RGS7: variants seen among roughly 807,000 people sequenced by gnomAD.
The protein encoded by RGS7 is regulator of G-protein signaling 7.
In RGS7, 27 loss-of-function variants were observed where a neutral mutation model predicts 81.1. The observed-to-expected ratio is 0.33, with a 90% CI of 0.25 to 0.46. The LOEUF is 0.46. Ranked by LOEUF, RGS7 falls within the 20% of genes least tolerant of loss-of-function variation. The probability of loss-of-function intolerance (pLI) is 1.00; values close to 1 mark genes in which losing one functional copy is unlikely to be tolerated. For missense variants in RGS7, 396 were observed against 607.4 expected (o/e 0.65, Z 3.66); for synonymous variants, 208 against 207.7 (o/e 1.00, Z -0.01).
intron 3 of RGS7, among the ~76,000 whole-genome samples, chr1:241,024,311 C>G (rs1010777426): frequency 6.6e-6 from 1 of 152,180 alleles, no homozygotes; most frequent in Non-Finnish European, 1.5e-5. Context: ...ACAAGCAGAT[C>G]TATTTTGGAT....
chr1:241,164,041 C>T lies in RGS7; in HGVS notation c.79-65279G>A, dbSNP rs1224069644. Among the ~76,000 whole-genome samples the T allele has an allele frequency of 1.3e-5, 2 of 152,138 alleles. No individual in the cohort carries two copies. The highest frequency in any genetic ancestry group is 2.9e-5 in the Non-Finnish European group (2 of 68,030). ...CAGACCAGCTGGAAATTAGAGATCC[C>T]ATGATCCCCTGCTTGAGTTCAATTA... On this transcript the variant is annotated intron_variant, in intron 2 of 18. Transcript: ENST00000440928. This position sits in a 1 kb window ranked among gnomAD's most constrained non-coding sequence, Gnocchi z 4.1.
rs917308711 is a variant in RGS7, at chr1:241,076,953, C to G, written c.175+21713G>C. On this transcript the variant is annotated intron_variant, in intron 3 of 18. Coordinates refer to ENST00000440928, the MANE Select transcript of RGS7 (RefSeq NM_001364886.1). The stretch of plus-strand genomic sequence containing the variant: ...TCTTCAGTTGAGGAAAGAGGTCATG[C>G]TCTACATTAATTACAGATGACAAGC... 7.2e-5 allele frequency among the ~76,000 whole-genome samples: 11 copies of G among 152,158 alleles called. No individual in the cohort carries two copies. In the East Asian group the frequency reaches 2.1e-3, roughly 29 times the overall value.
chr1:241,203,538 G>C (rs1573111140), intron 2 of RGS7, among the ~76,000 whole-genome samples: 1 of 152,124 alleles, frequency 6.6e-6, no homozygotes, highest in East Asian at 1.9e-4. Context: ...CCTGAGTTCT[G>C]CTTCTTTCCA....
chr1:241,240,346 CGACTCAGTTA>C (rs2076203879), intron 2 of RGS7, among the ~76,000 whole-genome samples: 1 of 152,118 alleles, frequency 6.6e-6, no homozygotes, highest in Non-Finnish European at 1.5e-5. Flanking sequence ...GAAGAAGCAA[CGACTCAGTTA>C]GACTCACGTG....
intron 3 of RGS7, among the ~76,000 whole-genome samples, chr1:241,016,259 C>T (rs1337604821): frequency 1.3e-5 from 2 of 152,136 alleles, no homozygotes; most frequent in Non-Finnish European, 2.9e-5. Context: ...GTGGCTCACG[C>T]CTGTAATCCT....
intron 2 of RGS7, among the ~76,000 whole-genome samples, chr1:241,322,003 C>A (rs992455028): frequency 6.6e-5 from 10 of 152,188 alleles, no homozygotes; most frequent in Admixed American, 5.9e-4. Context: ...GAGAACTCTT[C>A]CACCTCCATG....
chr1:240,870,343 CT>C (rs551951425), intron 6 of RGS7, among the ~76,000 whole-genome samples: 13 of 150,018 alleles, frequency 8.7e-5, no homozygotes, highest in African/African-American at 1.2e-4. Context: ...AACTTGGTAA[CT>C]TTTTTTTTTC....
intron 9 of RGS7, among the ~76,000 whole-genome samples, chr1:240,828,231 A>C (rs1693216258): frequency 6.6e-6 from 1 of 151,862 alleles, no homozygotes; most frequent in Non-Finnish European, 1.5e-5. Flanking sequence ...CATTTGTCAG[A>C]TTTATTGTTC....
At chr1:240,965,807 C>T (rs1216140199) in intron 4 of RGS7, among the ~76,000 whole-genome samples, 1 of 152,228 alleles carries the variant, frequency 6.6e-6, no homozygotes, top group Admixed American at 6.5e-5. Flanking sequence ...AATTTGTTTC[C>T]GTTTACAGTA....
intron 3 of RGS7, among the ~76,000 whole-genome samples, chr1:241,013,308 C>G (rs112259345): frequency 0.012 from 1,768 of 152,186 alleles, 17 homozygotes; most frequent in Middle Eastern, 0.051. Flanking sequence ...AGTGATCTGC[C>G]CACCTTAGCC....
At chr1:241,202,025 C>CAG (rs1231259699) in intron 2 of RGS7, among the ~76,000 whole-genome samples, 1 of 151,452 alleles carries the variant, frequency 6.6e-6, no homozygotes, top group Non-Finnish European at 1.5e-5. Context: ...CACACACACA[C>CAG]ACACACACAC....
chr1:241,259,100 G>A (rs1020438110), intron 2 of RGS7, among the ~76,000 whole-genome samples: 1 of 151,992 alleles, frequency 6.6e-6, no homozygotes, highest in Admixed American at 6.6e-5. Flanking sequence ...CATACTTCCA[G>A]TTAATAGCAT....
At chr1:240,845,474 G>A (rs1019113831) in intron 9 of RGS7, among the ~76,000 whole-genome samples, 6 of 152,148 alleles carry the variant, frequency 3.9e-5, no homozygotes, top group African/African-American at 1.4e-4. Flanking sequence ...CTTATGAATT[G>A]ACAAAGTTTG....
chr1:241,045,789 T>G (rs1359081493), intron 3 of RGS7, among the ~76,000 whole-genome samples: 4 of 152,174 alleles, frequency 2.6e-5, no homozygotes, highest in Non-Finnish European at 4.4e-5. Context: ...AAAATCTCAT[T>G]TGAAAAGGAC....
At chr1:241,056,101 A>G (rs763590859) in intron 3 of RGS7, among the ~76,000 whole-genome samples, 5 of 152,142 alleles carry the variant, frequency 3.3e-5, no homozygotes, top group African/African-American at 7.2e-5. Context: ...TTCTAAAACC[A>G]CACTATACCT....
At chr1:241,267,298 T>C (rs549374180) in intron 2 of RGS7, among the ~76,000 whole-genome samples, 2 of 152,340 alleles carry the variant, frequency 1.3e-5, no homozygotes, top group South Asian at 2.1e-4. Context: ...CTACTTTAGA[T>C]GACTGCACCT....
At chr1:241,064,022 A>G (rs1219083381) in intron 3 of RGS7, among the ~76,000 whole-genome samples, 1 of 151,800 alleles carries the variant, frequency 6.6e-6, no homozygotes, top group Non-Finnish European at 1.5e-5. Context: ...CCTCTCTACT[A>G]AAAATACAAA....
intron 3 of RGS7, among the ~76,000 whole-genome samples, chr1:240,990,570 T>G (rs1686313465): frequency 1.3e-5 from 2 of 152,344 alleles, no homozygotes; most frequent in African/African-American, 4.8e-5. Context: ...ATAATTCACT[T>G]TCTAAAATGA....
intron 2 of RGS7, among the ~76,000 whole-genome samples, chr1:241,106,718 A>G (rs1375894582): frequency 8.2e-6 from 1 of 122,058 alleles, no homozygotes; most frequent in Non-Finnish European, 1.7e-5. Flanking sequence ...TCCGTCTCCA[A>G]AAAAAAAAAA....
Sources: gnomAD v4.1 joint callset for allele counts (sites outside exome capture counted in the v4.1 genomes callset) on GRCh38, gnomAD v4.1.1 for gene constraint, Gnocchi (gnomAD v3.1) non-coding constraint, MANE v1.5 for transcripts, NCBI Gene and HGNC (gene_info 2026-07-23, HGNC 2026-07-21) for gene names.